Variants in YWHAE observed in about 807,000 individuals in gnomAD.
YWHAE encodes 14-3-3 protein epsilon.
YWHAE carries 4 observed loss-of-function variants against 30.1 expected under a neutral mutation model. The ratio of observed to expected loss-of-function variants is 0.13; its 90% confidence interval spans 0.07 to 0.30. The LOEUF (loss-of-function observed/expected upper bound fraction) is 0.30, where lower values mean the gene tolerates loss of function less well. Ranked by LOEUF, YWHAE falls within the 10% of genes least tolerant of loss-of-function variation. The probability of loss-of-function intolerance (pLI) is 1.00; values close to 1 mark genes in which losing one functional copy is unlikely to be tolerated. For synonymous variants in YWHAE, 118 were observed against 111.8 expected (o/e 1.06, Z -0.35); for missense variants, 121 against 315.9 (o/e 0.38, Z 4.68).
chr17:1,355,115 TTAAAAAAAAAAAAAAAAAAAA>T (rs2072713963), intron 4 of YWHAE, among the ~76,000 whole-genome samples: 3 of 72,378 alleles, frequency 4.1e-5, no homozygotes, highest in East Asian at 4.3e-4. Context: ...CCAAGATTTT[TTAAAAAAAAAAAAAAAAAAAA>T]AAAAAAAAAA....
intron 1 of YWHAE, among the ~76,000 whole-genome samples, chr17:1,370,363 C>T (rs1299704426): frequency 1.3e-5 from 2 of 151,856 alleles, no homozygotes; most frequent in African/African-American, 2.4e-5. Context: ...GATCTCCTGA[C>T]CTTGTGATCC....
At chr17:1,388,765 G>C (rs1422285195) in intron 1 of YWHAE, among the ~76,000 whole-genome samples, 1 of 152,002 alleles carries the variant, frequency 6.6e-6, no homozygotes, top group Non-Finnish European at 1.5e-5. Context: ...TTCCTAAGTA[G>C]TATATTCTGC....
At chr17:1,347,354 G>T (rs992261857) in intron 5 of YWHAE, among the ~76,000 whole-genome samples, 1 of 150,536 alleles carries the variant, frequency 6.6e-6, no homozygotes, top group Non-Finnish European at 1.5e-5. Flanking sequence ...AACTACATAC[G>T]CTGGGCATGG....
chr17:1,389,099 G>C (rs1189670744), intron 1 of YWHAE, among the ~76,000 whole-genome samples: 3 of 152,052 alleles, frequency 2.0e-5, no homozygotes, highest in Admixed American at 1.3e-4. Flanking sequence ...CCAAGTAGCT[G>C]AGACTACAGA....
At chr17:1,373,216 C>T (rs1017034676) in intron 1 of YWHAE, among the ~76,000 whole-genome samples, 3 of 152,004 alleles carry the variant, frequency 2.0e-5, no homozygotes, top group Non-Finnish European at 4.4e-5. Context: ...ACACTCCAAC[C>T]TAAGCAACAA....
intron 1 of YWHAE, among the ~76,000 whole-genome samples, chr17:1,388,875 T>C (rs930539775): frequency 7.9e-5 from 12 of 152,234 alleles, no homozygotes; most frequent in Non-Finnish European, 1.5e-4. Context: ...AATAACGTTC[T>C]TGAAAATTTC....
At chr17:1,367,160 A>C (rs570504744) in intron 1 of YWHAE, among the ~76,000 whole-genome samples, 6 of 152,340 alleles carry the variant, frequency 3.9e-5, no homozygotes, top group South Asian at 2.1e-4. Context: ...CAGAAGAAAA[A>C]TAATCTTTAC....
rs548768409 is a variant in YWHAE at position 1,400,121 on chromosome 17, G to A, written c.-11C>T. ...CTCTCGATCATCCATAGCGGCAGCG[G>A]CTCCGGCAGGGTCTGCGCGACGGAT... On this transcript the variant is annotated 5_prime_UTR_variant, in exon 1 of 6. Transcript: ENST00000264335. The A allele has an allele frequency of 1.1e-5, 17 of 1,614,048 alleles. 1 individual carries two copies. In the Admixed American group the frequency reaches 1.7e-4, roughly 16 times the overall value.
intron 5 of YWHAE, among the ~76,000 whole-genome samples, chr17:1,348,639 C>G (rs1450041442): frequency 1.3e-5 from 2 of 152,190 alleles, no homozygotes; most frequent in Non-Finnish European, 2.9e-5. Flanking sequence ...AAGCTGGTGT[C>G]AAACTCCTGG....
chr17:1,385,144 C>CAAAA (rs56023639), intron 1 of YWHAE, among the ~76,000 whole-genome samples: 17 of 86,776 alleles, frequency 2.0e-4, no homozygotes, highest in African/African-American at 4.3e-4. Context: ...GACTCTGTCT[C>CAAAA]AAAAAAAAAA....
At chr17:1,388,112 TG>T (rs1240551559) in intron 1 of YWHAE, among the ~76,000 whole-genome samples, 31,595 of 62,396 alleles carry the variant, frequency 0.51, 7,534 homozygotes, top group Non-Finnish European at 0.57. Flanking sequence ...TTTTTTTTTT[TG>T]GTTGGTTTTT....
chr17:1,349,525 T>A (rs908502375), intron 5 of YWHAE, among the ~76,000 whole-genome samples: 2 of 152,110 alleles, frequency 1.3e-5, no homozygotes, highest in South Asian at 4.1e-4. Context: ...TTTCACCTAA[T>A]AAAAATTAAG....
chr17:1,387,527 A>T (rs1390878253), intron 1 of YWHAE, among the ~76,000 whole-genome samples: 2 of 152,208 alleles, frequency 1.3e-5, no homozygotes, highest in Non-Finnish European at 2.9e-5. Flanking sequence ...CCTTGGGTCC[A>T]ATTCGGTTTA....
intron 1 of YWHAE, among the ~76,000 whole-genome samples, chr17:1,393,853 A>G (rs1236378970): frequency 6.6e-6 from 1 of 152,042 alleles, no homozygotes; most frequent in East Asian, 1.9e-4. Flanking sequence ...CCTAAACTTC[A>G]CCTCATTTTA....
chr17:1,387,748 G>A (rs139397376), intron 1 of YWHAE, among the ~76,000 whole-genome samples: 3 of 151,864 alleles, frequency 2.0e-5, no homozygotes, highest in East Asian at 1.9e-4. Context: ...TCAGCCTCCC[G>A]AATAGCTGAG....
At chr17:1,397,763 A>G (rs907175692) in intron 1 of YWHAE, among the ~76,000 whole-genome samples, 1 of 152,170 alleles carries the variant, frequency 6.6e-6, no homozygotes, top group Non-Finnish European at 1.5e-5. Context: ...GGTAGAGGAC[A>G]CAGGTAGAAA....
At chr17:1,380,111 CTTTTTT>C (rs34413137) in intron 1 of YWHAE, among the ~76,000 whole-genome samples, 2 of 121,876 alleles carry the variant, frequency 1.6e-5, no homozygotes. Flanking sequence ...GAAGACTAGA[CTTTTTT>C]TTTTTTTTTT....
At chr17:1,369,118 C>CT (rs1158479934) in intron 1 of YWHAE, among the ~76,000 whole-genome samples, 1 of 152,188 alleles carries the variant, frequency 6.6e-6, no homozygotes, top group Non-Finnish European at 1.5e-5. Context: ...AATGCACAGA[C>CT]TGTGTGGTAA....
chr17:1,348,824 C>T (rs922193982), intron 5 of YWHAE, among the ~76,000 whole-genome samples: 12 of 151,800 alleles, frequency 7.9e-5, no homozygotes, highest in Non-Finnish European at 1.3e-4. Context: ...GAGATTGAGA[C>T]CATCCGGGTT....
Sources: gnomAD v4.1 joint callset for allele counts (sites outside exome capture counted in the v4.1 genomes callset) on GRCh38, gnomAD v4.1.1 for gene constraint, MANE v1.5 for transcripts, NCBI Gene and HGNC (gene_info 2026-07-23, HGNC 2026-07-21) for gene names.